GRID2: variants seen among roughly 807,000 people sequenced by gnomAD.
GRID2 encodes the protein glutamate receptor ionotropic, delta-2.
A neutral mutation model predicts 114.8 loss-of-function variants in GRID2; 33 were observed. That is an observed-to-expected ratio of 0.29 (90% CI 0.22 to 0.38). The LOEUF (loss-of-function observed/expected upper bound fraction) is 0.38, where lower values mean the gene tolerates loss of function less well. Ranked by LOEUF, GRID2 falls within the 10% of genes least tolerant of loss-of-function variation. The pLI, the probability that GRID2 is intolerant of heterozygous loss-of-function variation, is 1.00. For synonymous variants in GRID2, 505 were observed against 449.9 expected (o/e 1.12, Z -1.55); for missense variants, 1,184 against 1,257.7 (o/e 0.94, Z 0.89).
At chr4:92,628,996 T>C (rs892884416) in intron 2 of GRID2, among the ~76,000 whole-genome samples, 4 of 152,060 alleles carry the variant, frequency 2.6e-5, no homozygotes, top group Non-Finnish European at 5.9e-5. Flanking sequence ...ATTGCTGGTA[T>C]CAGTCCTTCA....
intron 2 of GRID2, among the ~76,000 whole-genome samples, chr4:93,010,293 T>C (rs926532472): frequency 5.3e-5 from 8 of 152,120 alleles, no homozygotes; most frequent in Admixed American, 4.6e-4. Flanking sequence ...CAATCATTAA[T>C]ATTTTTGAGA....
At chr4:92,923,942 ATG>A (rs1749586497) in intron 2 of GRID2, among the ~76,000 whole-genome samples, 1 of 152,200 alleles carries the variant, frequency 6.6e-6, no homozygotes, top group Non-Finnish European at 1.5e-5. Flanking sequence ...ATAAAGACAC[ATG>A]CACACGTATG....
At chr4:92,990,049 A>T (rs1398245650) in intron 2 of GRID2, among the ~76,000 whole-genome samples, 3 of 152,168 alleles carry the variant, frequency 2.0e-5, no homozygotes, top group Admixed American at 2.0e-4. Flanking sequence ...ATACTTTCAC[A>T]GTAATCAAAC....
At chr4:92,359,888 C>A (rs1226298087) in intron 1 of GRID2, among the ~76,000 whole-genome samples, 1 of 151,920 alleles carries the variant, frequency 6.6e-6, no homozygotes, top group Non-Finnish European at 1.5e-5. Flanking sequence ...ATGATATTGA[C>A]TATTTCTGAA....
chr4:93,072,215 C>T lies in GRID2; in HGVS notation c.245-12780C>T, dbSNP rs192931461. ...ATTTTTTTCAAGCTGTAACTTTTCT[C>T]AAAGTAACCAAATAACCCAACATCC... On this transcript the variant is annotated intron_variant, in intron 2 of 15. Coordinates refer to ENST00000282020, the MANE Select transcript of GRID2 (RefSeq NM_001510.4). Among the ~76,000 whole-genome samples, 299 of 151,960 alleles carry T rather than the reference C, an allele frequency of 2.0e-3. 2 individuals carry two copies. Among genetic ancestry groups the T allele is most frequent in the African/African-American group, 7.1e-3 (294 of 41,468 alleles).
At chr4:93,306,839 T>C (rs1341673169) in intron 8 of GRID2, among the ~76,000 whole-genome samples, 1 of 152,236 alleles carries the variant, frequency 6.6e-6, no homozygotes, top group Non-Finnish European at 1.5e-5. Flanking sequence ...GACTTCTTGG[T>C]AACTATAATA....
At chr4:92,436,855 G>A (rs1373016633) in intron 1 of GRID2, among the ~76,000 whole-genome samples, 1 of 151,710 alleles carries the variant, frequency 6.6e-6, no homozygotes, top group African/African-American at 2.4e-5. Flanking sequence ...ATGTCTGTTG[G>A]GCCAATAAGT....
At chr4:92,708,092 G>T (rs1028271785) in intron 2 of GRID2, among the ~76,000 whole-genome samples, 1 of 152,124 alleles carries the variant, frequency 6.6e-6, no homozygotes, top group Admixed American at 6.6e-5. Flanking sequence ...TAATGGAATT[G>T]GGAAGAAAGG....
intron 2 of GRID2, among the ~76,000 whole-genome samples, chr4:92,772,655 T>A (rs536971574): frequency 6.6e-6 from 1 of 152,306 alleles, no homozygotes; most frequent in African/African-American, 2.4e-5. Context: ...ATGCATCCTA[T>A]AAATTTGCGA....
intron 1 of GRID2, among the ~76,000 whole-genome samples, chr4:92,306,376 C>T (rs564867523): frequency 6.9e-4 from 105 of 152,266 alleles, no homozygotes; most frequent in African/African-American, 2.3e-3. Flanking sequence ...AACTTTTCAG[C>T]AAGAAATTAT....
intron 2 of GRID2, among the ~76,000 whole-genome samples, chr4:92,872,617 C>A (rs774125865): frequency 1.3e-5 from 2 of 152,100 alleles, no homozygotes; most frequent in Non-Finnish European, 2.9e-5. Context: ...GCAAGTATAT[C>A]TTCAAAGTCA....
At position 93,224,659 on chromosome 4, in the gene GRID2, G is replaced by A. The variant is rs1302503348; in HGVS notation, c.1009G>A (p.Ala337Thr). The stretch of plus-strand genomic sequence containing the variant: ...TGACACGGTGCTTCTGCTTGCTAAT[G>A]CTTTTCATAAGAAGCTGGAGGACCG... ...IYDTVLLLANAFHKKLEDRKW... is the reference protein window; with the variant it reads ...IYDTVLLLANTFHKKLEDRKW... The change falls in exon 7 of 16, where the codon GCT becomes ACT. Residue 337 changes from alanine to threonine, a missense_variant. Physicochemically the swap from Ala to Thr is moderately conservative, Grantham distance 58. This residue lies in a region of GRID2 where 455 missense variants were observed against 429.5 expected (regional missense o/e 1.06). Coordinates refer to ENST00000282020, the MANE Select transcript of GRID2 (RefSeq NM_001510.4). 1 of 1,611,356 alleles carries A rather than the reference G, an allele frequency of 6.2e-7. No homozygotes were observed. The highest frequency in any genetic ancestry group is 1.7e-5 in the Admixed American group (1 of 59,842).
intron 14 of GRID2, among the ~76,000 whole-genome samples, chr4:93,750,087 C>T (rs1301161741): frequency 6.6e-6 from 1 of 152,158 alleles, no homozygotes; most frequent in Non-Finnish European, 1.5e-5. Context: ...GCAAATTGAT[C>T]GAACGCATCC....
intron 1 of GRID2, among the ~76,000 whole-genome samples, chr4:92,334,400 C>T (rs1012048969): frequency 3.8e-4 from 58 of 152,120 alleles, no homozygotes; most frequent in African/African-American, 1.4e-3. Context: ...GTTCCAAAGT[C>T]ACTTCCACAT....
intron 13 of GRID2, among the ~76,000 whole-genome samples, chr4:93,574,703 AT>A (rs1279789589): frequency 6.6e-6 from 1 of 152,180 alleles, no homozygotes; most frequent in African/African-American, 2.4e-5. Context: ...ACATGTGGGA[AT>A]TCGAGATAAG....
chr4:93,353,244 C>T (rs544230554), intron 8 of GRID2, among the ~76,000 whole-genome samples: 1 of 151,924 alleles, frequency 6.6e-6, no homozygotes, highest in Admixed American at 6.6e-5. Context: ...AATAGGAGAG[C>T]TGTCACCAGA....
At chr4:93,363,922 C>A (rs1416335935) in intron 8 of GRID2, among the ~76,000 whole-genome samples, 1 of 151,922 alleles carries the variant, frequency 6.6e-6, no homozygotes, top group African/African-American at 2.4e-5. Context: ...CTCTTCCAAT[C>A]ATTTTATACT....
intron 2 of GRID2, among the ~76,000 whole-genome samples, chr4:92,896,438 ATTGT>A (rs1195548430): frequency 3.3e-5 from 5 of 152,028 alleles, no homozygotes; most frequent in Non-Finnish European, 4.4e-5. Flanking sequence ...AAAATAAAAC[ATTGT>A]TTGGCCCTTA....
At chr4:93,779,709 G>C (rs534935899) in intron 1 of GRID2, among the ~76,000 whole-genome samples, 1 of 152,198 alleles carries the variant, frequency 6.6e-6, no homozygotes, top group Non-Finnish European at 1.5e-5. Context: ...GGAACAAGTG[G>C]AAAATTAGCC....
Sources: gnomAD v4.1 joint callset for allele counts (sites outside exome capture counted in the v4.1 genomes callset) on GRCh38, gnomAD v4.1.1 for gene constraint, gnomAD v4.1.1 regional missense constraint, MANE v1.5 for transcripts, NCBI Gene and HGNC (gene_info 2026-07-23, HGNC 2026-07-21) for gene names.